The following GLIS1 variants were observed in gnomAD, a reference collection of about 807,000 sequenced individuals.
The protein encoded by GLIS1 is GLIS family zinc finger 1.
GLIS1 carries 24 observed loss-of-function variants against 63.8 expected under a neutral mutation model. That is an observed-to-expected ratio of 0.38 (90% CI 0.27 to 0.53). GLIS1 has a LOEUF of 0.53. Ranked by LOEUF, GLIS1 falls within the 20% of genes least tolerant of loss-of-function variation. The pLI, the probability that GLIS1 is intolerant of heterozygous loss-of-function variation, is 0.85. For missense variants in GLIS1, 1,036 were observed against 1,074.1 expected, an observed-to-expected ratio of 0.96 and a Z score of 0.50; for synonymous variants, 450 against 482.5, an observed-to-expected ratio of 0.93 and a Z score of 0.88.
chr1:53,508,545 G>C (rs74639647), intron 10 of GLIS1, among the ~76,000 whole-genome samples: 1,607 of 152,248 alleles, frequency 0.011, 32 homozygotes, highest in African/African-American at 0.037. Flanking sequence ...GCTCTGACTA[G>C]GCCTGCCCTG....
At chr1:53,632,140 G>A (rs958636086) in intron 2 of GLIS1, among the ~76,000 whole-genome samples, 1 of 150,322 alleles carries the variant, frequency 6.7e-6, no homozygotes, top group African/African-American at 2.5e-5. Flanking sequence ...GTGACTGAGG[G>A]GTGTGTGACT....
intron 4 of GLIS1, among the ~76,000 whole-genome samples, chr1:53,579,374 G>C (rs1278125352): frequency 6.6e-6 from 1 of 152,224 alleles, no homozygotes; most frequent in Non-Finnish European, 1.5e-5. Flanking sequence ...CAGGGGACAT[G>C]AGGCCTTGCC....
At chr1:53,519,735 T>A (rs1029961474) in intron 7 of GLIS1, among the ~76,000 whole-genome samples, 1 of 151,826 alleles carries the variant, frequency 6.6e-6, no homozygotes, top group African/African-American at 2.4e-5. Context: ...GCCCGCAGAG[T>A]CCCAGGGGCT....
chr1:53,578,588 C>T (rs1645055048), intron 4 of GLIS1, among the ~76,000 whole-genome samples: 1 of 152,182 alleles, frequency 6.6e-6, no homozygotes, highest in Admixed American at 6.5e-5. Context: ...GCTTCCTTTC[C>T]CACTCAAAAA....
chr1:53,507,405 C>G (rs1036240800), intron 10 of GLIS1, among the ~76,000 whole-genome samples: 2 of 152,184 alleles, frequency 1.3e-5, no homozygotes, highest in Non-Finnish European at 2.9e-5. Context: ...CATCTGGCTT[C>G]AGAGATACCT....
chr1:53,669,433 G>A (rs1646128419), intron 2 of GLIS1, among the ~76,000 whole-genome samples: 5 of 152,220 alleles, frequency 3.3e-5, no homozygotes, highest in Admixed American at 3.3e-4. Flanking sequence ...AAGGGAGAAG[G>A]GAAGGGGAGG....
intron 2 of GLIS1, among the ~76,000 whole-genome samples, chr1:53,712,862 C>A (rs1016452592): frequency 1.3e-5 from 2 of 152,086 alleles, no homozygotes; most frequent in African/African-American, 4.8e-5. Flanking sequence ...TTTAACACAA[C>A]GGCAAACACG....
intron 4 of GLIS1, among the ~76,000 whole-genome samples, chr1:53,549,018 G>A (rs145790036): frequency 1.7e-3 from 263 of 152,254 alleles, no homozygotes; most frequent in Admixed American, 6.9e-3. Flanking sequence ...GACACATCAC[G>A]TAAGTTGAAT....
rs147393567 is a variant in GLIS1, at chr1:53,688,456, T to C, written c.259+49350A>G. 1.4e-3 allele frequency among the ~76,000 whole-genome samples: 207 copies of C among 152,262 alleles called. 4 individuals carry two copies. The East Asian group carries it at 0.036, about 26-fold the overall frequency. On this transcript the variant is annotated intron_variant, in intron 2 of 10. Coordinates refer to ENST00000628545, the MANE Select transcript of GLIS1 (RefSeq NM_001367484.1). Reference sequence around the variant, plus strand: ...CAGTCCCCCAGCCTCTGTGCCACCTTTCCCACCACCCTCTCTGCTCTCCTG... The same window carrying C: ...CAGTCCCCCAGCCTCTGTGCCACCTCTCCCACCACCCTCTCTGCTCTCCTG...
Position 53,524,757 on chromosome 1 carries a change from G to C in GLIS1, c.1593+20C>G, listed in dbSNP as rs1384062173. On this transcript the variant is annotated intron_variant, in intron 6 of 10. Coordinates refer to ENST00000628545, the MANE Select transcript of GLIS1 (RefSeq NM_001367484.1). ...GCGGCTGCGAGGTGGGAGGAGGCCA[G>C]ATGAGGAGGGCTGGCTTACCTTCTT... 5.7e-6 allele frequency: 9 copies of C among 1,589,880 alleles called. No individual in the cohort carries two copies. The highest frequency in any genetic ancestry group is 7.8e-6 in the Non-Finnish European group (9 of 1,159,028).
intron 8 of GLIS1, 88 bp downstream of exon 8, chr1:53,514,537 A>G: frequency 1.5e-6 from 2 of 1,320,664 alleles, no homozygotes; most frequent in Non-Finnish European, 2.1e-6. Context: ...TAACAAGCAG[A>G]TAGATAGTGC....
intron 2 of GLIS1, among the ~76,000 whole-genome samples, chr1:53,609,266 CTTTTTTTTTTTT>C (rs1221426769): frequency 2.5e-5 from 2 of 81,410 alleles, no homozygotes; most frequent in African/African-American, 5.1e-5. Flanking sequence ...GGGTTTAAAT[CTTTTTTTTTTTT>C]TTTTTTTTTT....
chr1:53,722,081 A>G (rs1646761053), intron 2 of GLIS1, among the ~76,000 whole-genome samples: 1 of 152,254 alleles, frequency 6.6e-6, no homozygotes, highest in Admixed American at 6.5e-5. Context: ...TCAAACAAAC[A>G]TATAATGAAA....
intron 2 of GLIS1, among the ~76,000 whole-genome samples, chr1:53,695,150 G>T (rs969957742): frequency 1.1e-4 from 17 of 152,152 alleles, no homozygotes; most frequent in African/African-American, 3.9e-4. Context: ...GGGGTGGGTT[G>T]AGGAAGAGGA....
intron 5 of GLIS1, among the ~76,000 whole-genome samples, chr1:53,528,688 A>G (rs1397591406): frequency 5.3e-5 from 8 of 151,466 alleles, no homozygotes; most frequent in Non-Finnish European, 1.5e-5. Flanking sequence ...TTCAGCTCTG[A>G]CCTCTGCTGT....
chr1:53,673,979 C>A (rs1348500571), intron 2 of GLIS1, among the ~76,000 whole-genome samples: 1 of 152,028 alleles, frequency 6.6e-6, no homozygotes, highest in East Asian at 1.9e-4. Flanking sequence ...CAAGACCAGC[C>A]TGACCAACAT....
intron 2 of GLIS1, among the ~76,000 whole-genome samples, chr1:53,690,562 G>A (rs1031959145): frequency 6.6e-6 from 1 of 152,250 alleles, no homozygotes; most frequent in African/African-American, 2.4e-5. Context: ...GAACAAGCAG[G>A]ACGCTGTGGC....
intron 4 of GLIS1, among the ~76,000 whole-genome samples, chr1:53,557,021 G>T (rs530719167): frequency 6.6e-6 from 1 of 152,036 alleles, no homozygotes; most frequent in South Asian, 2.1e-4. Flanking sequence ...GTGTGTGTGT[G>T]CAGGTTTACT....
chr1:53,710,441 C>T (rs535417701), intron 2 of GLIS1, among the ~76,000 whole-genome samples: 4 of 152,372 alleles, frequency 2.6e-5, no homozygotes, highest in South Asian at 4.1e-4. Context: ...CTCAGACAGA[C>T]GAAGAACTGC....
Sources: allele counts gnomAD v4.1 joint callset (sites outside exome capture counted in the v4.1 genomes callset), GRCh38; gene constraint gnomAD v4.1.1; transcripts MANE v1.5; gene names NCBI Gene and HGNC (gene_info 2026-07-23, HGNC 2026-07-21).